CPT1C: variants seen among roughly 807,000 people sequenced by gnomAD.
CPT1C encodes carnitine palmitoyltransferase 1C.
CPT1C carries 61 observed loss-of-function variants against 97.3 expected under a neutral mutation model. The ratio of observed to expected loss-of-function variants is 0.63; its 90% CI spans 0.51 to 0.78. CPT1C has a LOEUF of 0.78. Among genes scored for constraint, CPT1C ranks in the 30% least tolerant of loss-of-function variants. The pLI is 0.00. For synonymous variants in CPT1C, 469 were observed against 447.2 expected, an observed-to-expected ratio of 1.05 and a Z score of -0.61; for missense variants, 975 against 1,065.5, an observed-to-expected ratio of 0.92 and a Z score of 1.18.
In CPT1C at chr19:49,697,410, C is replaced by T; in HGVS notation, c.226C>T (p.Gln76Ter). Residue 76 changes from glutamine to a stop codon, truncating the protein, a stop_gained, in exon 4 of 20, where the codon CAG (glutamine) becomes TAG (stop). Transcript: ENST00000598293. LOFTEE classifies it high-confidence loss of function. ...TGCCATCCAGCTTGCCTGGTTCCTC[C>T]AGCTGGATCCTTCCTTAGGACTGAT... is the stretch of plus-strand genomic sequence containing the variant. ...FSAIQLAWFL[Q>*]LDPSLGLMEK... 5 of 1,614,192 alleles carry T rather than the reference C, an allele frequency of 3.1e-6. No homozygotes were observed. The highest frequency in any genetic ancestry group is 4.2e-6 in the Non-Finnish European group (5 of 1,180,036).
At chr19:49,694,610 C>T (rs977663598) in intron 3 of CPT1C, among the ~76,000 whole-genome samples, 2 of 135,564 alleles carry the variant, frequency 1.5e-5, no homozygotes, top group African/African-American at 5.6e-5. Flanking sequence ...GCCTGGGTGA[C>T]AGAGCAAGAC....
intron 17 of CPT1C, 155 bp from the exon 18 acceptor site, chr19:49,712,581 C>T (rs2083968901): frequency 1.6e-6 from 1 of 624,596 alleles, no homozygotes; most frequent in Admixed American, 2.5e-5. Flanking sequence ...AGGGGCGTGG[C>T]CAGATAGGGC....
Position 49,711,819 on chromosome 19 carries a change from G to A in CPT1C, c.1877G>A (p.Cys626Tyr). The change falls in exon 17 of 20, where the codon TGC becomes TAC. Residue 626 changes from cysteine (C) to tyrosine (Y), a missense_variant. By Grantham distance (194) the Cys-to-Tyr change is radical. Transcript: ENST00000598293. ...CCCTGGGGACTGCAGGACCCACAGT[G>A]CCTCGCCCTGTTCCGCGTGGCAGTG... ...MEDKEKTDPQ[C>Y]LALFRVAVDK... 6.2e-7 allele frequency: 1 copy of A among 1,612,274 alleles called. No individual in the cohort carries two copies. The highest frequency in any genetic ancestry group is 1.3e-5 in the African/African-American group (1 of 75,072).
At chr19:49,694,340 G>C (rs1031557914) in intron 3 of CPT1C, among the ~76,000 whole-genome samples, 3 of 151,548 alleles carry the variant, frequency 2.0e-5, no homozygotes, top group Non-Finnish European at 4.4e-5. Context: ...GTTAAATAAG[G>C]GGGTGGCAGG....
At chr19:49,697,693 C>A in intron 4 of CPT1C, 1 of 446,376 alleles carries the variant, frequency 2.2e-6, no homozygotes, top group Non-Finnish European at 4.0e-6. Context: ...GGGTGTATCG[C>A]TTGAGGTCAG....
At chr19:49,702,218 T>C (rs1353145685) in intron 7 of CPT1C, among the ~76,000 whole-genome samples, 1 of 139,270 alleles carries the variant, frequency 7.2e-6, no homozygotes, top group Admixed American at 8.0e-5. Context: ...ATATATATGC[T>C]CATAACATAT....
intron 15 of CPT1C, 82 bp downstream of exon 15, chr19:49,710,566 G>A: frequency 6.3e-7 from 1 of 1,583,658 alleles, no homozygotes; most frequent in South Asian, 1.1e-5. Context: ...ACGGTTCCTT[G>A]TGGTCGCTGC....
Position 49,712,961 on chromosome 19 carries a change from T to A in CPT1C, c.2134-11T>A. Reference sequence around the variant, plus strand: ...GAGCTATTTTCTTCCCTTCACTCTTTCCGTCTCCAGGCTGATGACCATGGT... The same window carrying A: ...GAGCTATTTTCTTCCCTTCACTCTTACCGTCTCCAGGCTGATGACCATGGT... On this transcript the variant is annotated splice_polypyrimidine_tract_variant and intron_variant, in intron 18 of 19. Coordinates refer to ENST00000598293, the MANE Select transcript of CPT1C (RefSeq NM_001199753.2). 1 of 1,613,064 alleles carries A rather than the reference T, an allele frequency of 6.2e-7. No homozygotes were observed. Among genetic ancestry groups the A allele is most frequent in the Non-Finnish European group, 8.5e-7 (1 of 1,179,070 alleles).
At chr19:49,692,453 C>G in intron 3 of CPT1C, 60 bp downstream of exon 3, 1 of 1,589,546 alleles carries the variant, frequency 6.3e-7, no homozygotes, top group Non-Finnish European at 8.6e-7. Flanking sequence ...TCCGGGATGT[C>G]TGAGGCTCAC....
intron 10 of CPT1C, 87 bp downstream of exon 10, chr19:49,705,385 G>A: frequency 8.8e-7 from 1 of 1,135,950 alleles, no homozygotes; most frequent in South Asian, 1.5e-5. Flanking sequence ...GACTGAGCTG[G>A]GAACCATTGC....
At chr19:49,696,456 C>CTTTTTTTTTTTTTTTT (rs66983115) in intron 3 of CPT1C, 1 of 111,636 alleles carries the variant, frequency 9.0e-6, no homozygotes, top group Non-Finnish European at 1.8e-5. Flanking sequence ...CTTTTCTTTT[C>CTTTTTTTTTTTTTTTT]TTTTTTTTTT....
At position 49,700,729 on chromosome 19, in the gene CPT1C, G is replaced by C; in HGVS notation, c.327G>C (p.Leu109=). The change falls in exon 5 of 20, where the codon CTG becomes CTC. Residue 109 remains leucine (L), a synonymous_variant. Transcript: ENST00000598293. The part of the protein sequence containing the change: ...HGLRGVLAAA[L]FASCLWGALI... The stretch of plus-strand genomic sequence containing the variant: ...TCCGGGGGGTCCTGGCAGCCGCGCT[G>C]TTTGCCTCGTGTTTGTGGGGAGCCC... The C allele has an allele frequency of 6.2e-7, 1 of 1,612,308 alleles. No homozygotes were observed. The highest frequency in any genetic ancestry group is 8.5e-7 in the Non-Finnish European group (1 of 1,180,026).
intron 3 of CPT1C, chr19:49,696,451 CTTTTCTTTTT>C: frequency 7.4e-6 from 1 of 134,360 alleles, no homozygotes; most frequent in Non-Finnish European, 1.5e-5. Flanking sequence ...TTTTTCTTTT[CTTTTCTTTTT>C]TTTTTTTTTT....
At position 49,713,515 on chromosome 19, in the gene CPT1C, GT is replaced by G; in HGVS notation, c.2323del (p.Ser775GlnfsTer24). 6.2e-7 allele frequency: 1 copy of G among 1,614,238 alleles called. No individual in the cohort carries two copies. Among genetic ancestry groups the G allele is most frequent in the East Asian group, 2.2e-5 (1 of 44,886 alleles). ...GQHFKRRFRG[S>X]GKENSRHRCG... ...AGCATTTTAAGCGCCGGTTCAGAGG[GT>G]CAGGGAAGGAGAACTCCAGGCACAG... On this transcript the variant is annotated frameshift_variant, in exon 20 of 20. Transcript: ENST00000598293. LOFTEE classifies it low-confidence loss of function (END_TRUNC).
At chr19:49,711,992 A>T (rs1273607769) in intron 17 of CPT1C, 31 bp downstream of exon 17, 1 of 1,604,204 alleles carries the variant, frequency 6.2e-7, no homozygotes, top group Admixed American at 1.7e-5. Context: ...TTAGAGAGGG[A>T]AGTGGGAGAC....
At chr19:49,705,420 C>T (rs911447660) in intron 10 of CPT1C, 122 bp downstream of exon 10, 15 of 782,910 alleles carry the variant, frequency 1.9e-5, no homozygotes, top group African/African-American at 1.4e-4. Context: ...ACCTTCTGCA[C>T]GTTATTACCC....
At position 49,692,386 on chromosome 19, in the gene CPT1C, G is replaced by A. The variant is rs1227160412; in HGVS notation, c.134G>A (p.Arg45His). The change falls in exon 3 of 20, where the codon CGT (arginine) becomes CAT (histidine). Residue 45 changes from arginine (R) to histidine (H), a missense_variant. Physicochemically the swap from Arg to His is conservative, Grantham distance 29. Transcript: ENST00000598293. ...GLRSWKRHLS[R>H]FWNDFLTGVF... is the part of the protein sequence containing the mutation. ...CGCTCCTGGAAAAGGCATCTCTCACGTTTCTGGGTGAGGAGCGGTGCTGGT... is the reference window on the plus strand; with the variant it reads ...CGCTCCTGGAAAAGGCATCTCTCACATTTCTGGGTGAGGAGCGGTGCTGGT... 6.2e-6 allele frequency: 10 copies of A among 1,614,126 alleles called. No individual in the cohort carries two copies. Among genetic ancestry groups the A allele is most frequent in the Non-Finnish European group, 8.5e-6 (10 of 1,180,016 alleles).
intron 5 of CPT1C, 57 bp downstream of exon 5, chr19:49,700,912 C>T (rs1049110188): frequency 1.3e-6 from 2 of 1,571,716 alleles, no homozygotes; most frequent in Non-Finnish European, 8.7e-7. Context: ...ATCTATTCCC[C>T]TCTCTCTGGG....
chr19:49,701,682 G>C (rs2083070521), intron 7 of CPT1C, 48 bp downstream of exon 7: 1 of 1,537,256 alleles, frequency 6.5e-7, no homozygotes. Flanking sequence ...GGCTAAGGTT[G>C]TGAGCTCGCC....
Sources: gnomAD v4.1 joint callset for allele counts (sites outside exome capture counted in the v4.1 genomes callset) on GRCh38, gnomAD v4.1.1 for gene constraint, MANE v1.5 for transcripts, NCBI Gene and HGNC (gene_info 2026-07-23, HGNC 2026-07-21) for gene names.